The following ADAM32 variants were observed in gnomAD, a reference collection of about 807,000 sequenced individuals.
ADAM32 encodes disintegrin and metalloproteinase domain-containing protein 32.
ADAM32 carries 89 observed loss-of-function variants against 114.9 expected under a neutral mutation model. The observed-to-expected ratio is 0.77, with a 90% CI of 0.65 to 0.92. The LOEUF (loss-of-function observed/expected upper bound fraction) is 0.92. ADAM32 is among the 40% of genes least tolerant of loss of function. The probability of loss-of-function intolerance (pLI) is 0.00; values close to 1 mark genes in which losing one functional copy is unlikely to be tolerated. For missense variants in ADAM32, 870 were observed against 932.8 expected (o/e 0.93, Z 0.88); for synonymous variants, 285 against 307.5 (o/e 0.93, Z 0.77).
rs367890487 is a variant in ADAM32 at position 39,284,882 on chromosome 8, G to A, written c.*83G>A. ...TGTCTTTCCTTCCGTGGTCACAGCT[G>A]AAAGAAACAATAAATTGAGTGTGGA... On this transcript the variant is annotated 3_prime_UTR_variant, in exon 25 of 25. Coordinates refer to ENST00000379907, the MANE Select transcript of ADAM32 (RefSeq NM_145004.7). 1.1e-4 allele frequency: 164 copies of A among 1,537,728 alleles called. No individual in the cohort carries two copies. Among genetic ancestry groups the A allele is most frequent in the Non-Finnish European group, 1.4e-4 (160 of 1,116,018 alleles).
intron 9 of ADAM32, chr8:39,166,454 T>C (rs1804845096): frequency 6.6e-6 from 1 of 152,196 alleles, no homozygotes; most frequent in Non-Finnish European, 1.5e-5. Context: ...GGCATTTGGG[T>C]TGGTTCCATG....
At chr8:39,112,306 G>T (rs542794027) in intron 1 of ADAM32, among the ~76,000 whole-genome samples, 1 of 152,032 alleles carries the variant, frequency 6.6e-6, no homozygotes, top group East Asian at 1.9e-4. Flanking sequence ...ATATATTTTG[G>T]ATATTAATCA....
At chr8:39,248,662 CA>C (rs1161458547) in intron 17 of ADAM32, among the ~76,000 whole-genome samples, 2 of 152,174 alleles carry the variant, frequency 1.3e-5, no homozygotes, top group East Asian at 3.9e-4. Context: ...TCTTCCCAAT[CA>C]GTATACTTTT....
intron 11 of ADAM32, among the ~76,000 whole-genome samples, chr8:39,201,584 T>C (rs1807413948): frequency 1.3e-5 from 2 of 152,216 alleles, no homozygotes; most frequent in East Asian, 3.8e-4. Flanking sequence ...CAGGGACAAT[T>C]TGACTTCCTC....
intron 10 of ADAM32, among the ~76,000 whole-genome samples, chr8:39,181,942 G>A (rs559541586): frequency 5.3e-5 from 8 of 152,280 alleles, no homozygotes; most frequent in Admixed American, 3.9e-4. Flanking sequence ...CAAGGCATAC[G>A]ATAAAATTGT....
At chr8:39,143,465 C>T (rs755737880) in intron 3 of ADAM32, among the ~76,000 whole-genome samples, 13 of 152,130 alleles carry the variant, frequency 8.5e-5, no homozygotes, top group Admixed American at 4.6e-4. Flanking sequence ...TAGTCAGACC[C>T]CTCAGCTGCA....
At chr8:39,160,772 C>T in intron 6 of ADAM32, 125 bp from the exon 7 acceptor site, 1 of 806,396 alleles carries the variant, frequency 1.2e-6, no homozygotes, top group Middle Eastern at 3.5e-4. Context: ...TTAATTTTAA[C>T]CAATTTGATA....
At chr8:39,112,626 G>T (rs1317168597) in intron 1 of ADAM32, among the ~76,000 whole-genome samples, 1 of 137,144 alleles carries the variant, frequency 7.3e-6, no homozygotes, top group Non-Finnish European at 1.6e-5. Flanking sequence ...TTTCCAAATG[G>T]ATAAATACTG....
At chr8:39,119,346 T>A (rs938315359) in intron 2 of ADAM32, among the ~76,000 whole-genome samples, 18 of 152,250 alleles carry the variant, frequency 1.2e-4, no homozygotes, top group African/African-American at 4.3e-4. Context: ...TTTTGAGTGT[T>A]CCAGTTTTTT....
At chr8:39,258,869 A>G (rs1811831086) in intron 19 of ADAM32, among the ~76,000 whole-genome samples, 1 of 152,156 alleles carries the variant, frequency 6.6e-6, no homozygotes, top group African/African-American at 2.4e-5. Context: ...TGTTTATTTT[A>G]GTTAAATTTT....
intron 3 of ADAM32, among the ~76,000 whole-genome samples, chr8:39,137,605 A>G (rs1353913193): frequency 1.3e-5 from 2 of 151,918 alleles, no homozygotes; most frequent in African/African-American, 4.8e-5. Context: ...CCCTGTCTCT[A>G]CTAAAAAATA....
At chr8:39,141,563 T>C (rs1803155171) in intron 3 of ADAM32, among the ~76,000 whole-genome samples, 1 of 152,194 alleles carries the variant, frequency 6.6e-6, no homozygotes, top group Non-Finnish European at 1.5e-5. Context: ...GACAGTTTGT[T>C]GTGATTTCTG....
At chr8:39,115,542 G>A (rs960616976) in intron 1 of ADAM32, among the ~76,000 whole-genome samples, 5 of 148,446 alleles carry the variant, frequency 3.4e-5, no homozygotes, top group African/African-American at 1.2e-4. Flanking sequence ...CCACATGTAT[G>A]TTTTATTTTG....
intron 7 of ADAM32, among the ~76,000 whole-genome samples, chr8:39,163,241 A>T (rs1804621220): frequency 6.6e-6 from 1 of 152,174 alleles, no homozygotes; most frequent in Non-Finnish European, 1.5e-5. Flanking sequence ...CTACTCAGGT[A>T]TATTGAAGCC....
At chr8:39,284,232 G>A (rs557055478) in intron 24 of ADAM32, among the ~76,000 whole-genome samples, 25 of 152,180 alleles carry the variant, frequency 1.6e-4, no homozygotes, top group African/African-American at 4.3e-4. Flanking sequence ...GTACCTACAA[G>A]ATGTAAGATC....
chr8:39,186,942 G>A lies in ADAM32; in HGVS notation c.949G>A (p.Val317Ile). The stretch of plus-strand genomic sequence containing the variant: ...GGAGATAACTCTGGAGGCATTTGCA[G>A]TTATTGTCACCCAGATGCTGGCACT... ...PKEITLEAFA[V>I]IVTQMLALSL... The change falls in exon 11 of 25, where the codon GTT becomes ATT. Residue 317 changes from valine to isoleucine, a missense_variant. Val to Ile is a conservative substitution (Grantham distance 29). Transcript: ENST00000379907. 1 of 1,612,698 alleles carries A rather than the reference G, an allele frequency of 6.2e-7. No individual in the cohort carries two copies.
chr8:39,216,251 T>G (rs1585561540), intron 12 of ADAM32, among the ~76,000 whole-genome samples: 1 of 152,150 alleles, frequency 6.6e-6, no homozygotes, highest in African/African-American at 2.4e-5. Context: ...TGGCAAAGGA[T>G]CCCTTTCCAT....
At chr8:39,211,982 G>A (rs1808252815) in intron 12 of ADAM32, among the ~76,000 whole-genome samples, 1 of 151,986 alleles carries the variant, frequency 6.6e-6, no homozygotes, top group South Asian at 2.1e-4. Context: ...CTATTTGGTA[G>A]AACAAGTCAT....
Position 39,261,712 on chromosome 8 carries a change from AT to A in ADAM32, c.2162+4378del, listed in dbSNP as rs368959692. On this transcript the variant is annotated intron_variant, in intron 19 of 24. Transcript: ENST00000379907. ...CTCTGCATTCTTGCCAGCATTTGTT[AT>A]TTTTTTTTGTCTTTTTGATAAAAGC... Among the ~76,000 whole-genome samples the A allele has an allele frequency of 2.1e-4, 32 of 150,258 alleles. No individual in the cohort carries two copies. The East Asian group carries it at 3.1e-3, about 15-fold the overall frequency.
Sources: allele counts gnomAD v4.1 joint callset (sites outside exome capture counted in the v4.1 genomes callset), GRCh38; gene constraint gnomAD v4.1.1; transcripts MANE v1.5; gene names NCBI Gene and HGNC (gene_info 2026-07-23, HGNC 2026-07-21).